Variants in ARHGEF10 observed in about 807,000 individuals in gnomAD.
ARHGEF10 encodes the protein Rho guanine nucleotide exchange factor 10.
ARHGEF10 carries 140 observed loss-of-function variants against 147.4 expected under a neutral mutation model. The ratio of observed to expected loss-of-function variants is 0.95; its 90% CI spans 0.83 to 1.09. The LOEUF is 1.09. Among genes scored for constraint, ARHGEF10 ranks in the 50% least tolerant of loss-of-function variants. ARHGEF10 has a pLI of 0.00. For synonymous variants in ARHGEF10, 902 were observed against 695.8 expected, an observed-to-expected ratio of 1.30 and a Z score of -4.67; for missense variants, 2,222 against 1,752.7, an observed-to-expected ratio of 1.27 and a Z score of -4.78.
chr8:1,867,224 T>A (rs919580369), intron 6 of ARHGEF10, among the ~76,000 whole-genome samples: 2 of 152,158 alleles, frequency 1.3e-5, no homozygotes, highest in East Asian at 1.9e-4. Flanking sequence ...TCCAAAACAA[T>A]AGCCTGAAGC....
intron 2 of ARHGEF10, among the ~76,000 whole-genome samples, chr8:1,849,340 C>G (rs372785358): frequency 5.3e-4 from 79 of 149,050 alleles, no homozygotes; most frequent in African/African-American, 2.0e-3. Context: ...ACACAGACAG[C>G]AAATGCCGAG....
chr8:1,867,801 A>G (rs1187142674), intron 6 of ARHGEF10, among the ~76,000 whole-genome samples: 2 of 152,246 alleles, frequency 1.3e-5, no homozygotes, highest in South Asian at 2.1e-4. Context: ...CATATGATCA[A>G]CTTACAAGGT....
chr8:1,847,703 G>A (rs923968342), intron 2 of ARHGEF10, among the ~76,000 whole-genome samples: 1 of 152,162 alleles, frequency 6.6e-6, no homozygotes, highest in African/African-American at 2.4e-5. Context: ...GTTATGAATA[G>A]CCTCTTGTGG....
chr8:1,842,122 G>C (rs530302616), intron 1 of ARHGEF10, among the ~76,000 whole-genome samples: 1 of 151,880 alleles, frequency 6.6e-6, no homozygotes, highest in East Asian at 2.0e-4. Context: ...GCTGGGGATG[G>C]GGCGGGGGTG....
intron 25 of ARHGEF10, among the ~76,000 whole-genome samples, chr8:1,932,626 C>A (rs981574061): frequency 6.6e-6 from 1 of 152,230 alleles, no homozygotes; most frequent in African/African-American, 2.4e-5. Flanking sequence ...CCCATGTTCA[C>A]TGGGGCTAAT....
At chr8:1,828,435 C>G (rs541844242) in intron 1 of ARHGEF10, among the ~76,000 whole-genome samples, 2 of 147,792 alleles carry the variant, frequency 1.4e-5, no homozygotes, top group Non-Finnish European at 3.0e-5. Flanking sequence ...TTTGATAAAC[C>G]GTGGCATGCA....
At chr8:1,940,940 C>A (rs1814040378) in intron 26 of ARHGEF10, among the ~76,000 whole-genome samples, 3 of 152,170 alleles carry the variant, frequency 2.0e-5, no homozygotes, top group Admixed American at 2.0e-4. Context: ...ATGATAAAAA[C>A]AATCAAACTA....
chr8:1,949,018 ATG>A (rs56097916), intron 27 of ARHGEF10, among the ~76,000 whole-genome samples: 75,893 of 149,828 alleles, frequency 0.51, 19,278 homozygotes, highest in East Asian at 0.76. Flanking sequence ...ATGGGTTTTC[ATG>A]TGTGTGTGTG....
intron 11 of ARHGEF10, among the ~76,000 whole-genome samples, chr8:1,886,851 C>T (rs1299293611): frequency 1.3e-5 from 2 of 152,156 alleles, no homozygotes; most frequent in African/African-American, 2.4e-5. Flanking sequence ...TCAGTCTCTC[C>T]CATCGCAGCC....
chr8:1,837,518 G>C (rs1803657423), intron 1 of ARHGEF10, among the ~76,000 whole-genome samples: 1 of 152,198 alleles, frequency 6.6e-6, no homozygotes, highest in Non-Finnish European at 1.5e-5. Flanking sequence ...TACACAGTGT[G>C]GTTTAAAAAA....
Position 1,949,343 on chromosome 8 carries a change from C to G in ARHGEF10, c.3398-3362C>G, listed in dbSNP as rs548886636. 2.0e-5 allele frequency among the ~76,000 whole-genome samples: 3 copies of G among 152,320 alleles called. No individual in the cohort carries two copies. The East Asian group carries it at 5.8e-4, about 29-fold the overall frequency. On this transcript the variant is annotated intron_variant, in intron 27 of 28. Coordinates refer to ENST00000349830, the MANE Select transcript of ARHGEF10 (RefSeq NM_014629.4). ...TCACGTTCTTTCACATAAGCTACATCAGATTCAACACAGACTAACAGTTGA... is the reference window on the plus strand; with the variant it reads ...TCACGTTCTTTCACATAAGCTACATGAGATTCAACACAGACTAACAGTTGA...
chr8:1,829,971 G>A (rs935734397), intron 1 of ARHGEF10, among the ~76,000 whole-genome samples: 2 of 152,222 alleles, frequency 1.3e-5, no homozygotes, highest in African/African-American at 2.4e-5. Context: ...GCGAGTCATA[G>A]GTAGCGGTAG....
chr8:1,938,914 C>A (rs1437833065), intron 26 of ARHGEF10, among the ~76,000 whole-genome samples: 2 of 149,670 alleles, frequency 1.3e-5, no homozygotes, highest in African/African-American at 5.1e-5. Context: ...AATCCCAGTC[C>A]CCAGAAACCC....
At chr8:1,834,435 C>T (rs779632805) in intron 1 of ARHGEF10, among the ~76,000 whole-genome samples, 22 of 152,088 alleles carry the variant, frequency 1.4e-4, no homozygotes, top group Non-Finnish European at 2.5e-4. Context: ...AGGGAGGACC[C>T]TGGAGAGAGG....
At chr8:1,861,026 G>T (rs1181703991) in intron 4 of ARHGEF10, among the ~76,000 whole-genome samples, 1 of 152,186 alleles carries the variant, frequency 6.6e-6, no homozygotes, top group East Asian at 1.9e-4. Flanking sequence ...GCTCAGAGTC[G>T]GCCACTGAGG....
rs557460685 is a variant in ARHGEF10 at position 1,889,300 on chromosome 8, C to G, written c.1182+3593C>G. On this transcript the variant is annotated intron_variant, in intron 11 of 28. Coordinates refer to ENST00000349830, the MANE Select transcript of ARHGEF10 (RefSeq NM_014629.4). Reference sequence around the variant, plus strand: ...TGTGGTGAGGGTTTGTGAGGAGATACTGCATGGGGTGAGCTTTCTTAGGAG... The same window carrying G: ...TGTGGTGAGGGTTTGTGAGGAGATAGTGCATGGGGTGAGCTTTCTTAGGAG... 8.1e-5 allele frequency among the ~76,000 whole-genome samples: 7 copies of G among 86,328 alleles called. 2 individuals carry two copies. The highest frequency in any genetic ancestry group is 1.1e-3 in the South Asian group (2 of 1,766). The allele number at this position is 86,328 out of a possible 152,430, so 56.6% of individuals were successfully genotyped here.
intron 27 of ARHGEF10, among the ~76,000 whole-genome samples, chr8:1,950,361 G>A (rs1230596747): frequency 6.6e-6 from 1 of 152,174 alleles, no homozygotes; most frequent in Non-Finnish European, 1.5e-5. Context: ...GTGGCCCTCA[G>A]CTTTCCCATG....
At chr8:1,908,309 C>T (rs1428483205) in intron 17 of ARHGEF10, among the ~76,000 whole-genome samples, 1 of 147,226 alleles carries the variant, frequency 6.8e-6, no homozygotes, top group African/African-American at 2.5e-5. Context: ...CAGCTCGCTG[C>T]AAGCTCTGCC....
intron 1 of ARHGEF10, among the ~76,000 whole-genome samples, chr8:1,841,877 AAC>A (rs1804077909): frequency 9.4e-5 from 9 of 96,072 alleles, no homozygotes; most frequent in Middle Eastern, 7.7e-3. Flanking sequence ...CCGCGGCGGG[AAC>A]TGGGGCCGCG....
Sources: gnomAD v4.1 joint callset for allele counts (sites outside exome capture counted in the v4.1 genomes callset) on GRCh38, gnomAD v4.1.1 for gene constraint, MANE v1.5 for transcripts, NCBI Gene and HGNC (gene_info 2026-07-23, HGNC 2026-07-21) for gene names.